SMARCD1: variants seen among roughly 807,000 people sequenced by gnomAD.
The protein encoded by SMARCD1 is SWI/SNF related BAF chromatin remodeling complex subunit D1, also known as SWI/SNF-related matrix-associated actin-dependent regulator of chromatin subfamily D member 1.
Under a neutral mutation model 70.8 loss-of-function variants are expected in SMARCD1, and 16 were observed. The ratio of observed to expected loss-of-function variants is 0.23; its 90% confidence interval spans 0.15 to 0.34. SMARCD1 has a LOEUF of 0.34. Among genes scored for constraint, SMARCD1 ranks in the 10% least tolerant of loss-of-function variants. The pLI is 1.00. For synonymous variants in SMARCD1, 249 were observed against 246.0 expected (o/e 1.01, Z -0.11); for missense variants, 409 against 655.5 (o/e 0.62, Z 4.11).
Position 50,087,352 on chromosome 12 carries a change from G to C in SMARCD1, c.532-11G>C. ...AAGCCCCACGATCAATCCTGTTTCT[G>C]CCTTCCTCAGCAAAAACGGAAGCTG... On this transcript the variant is annotated splice_polypyrimidine_tract_variant and intron_variant, in intron 4 of 12. Transcript: ENST00000394963. The C allele has an allele frequency of 6.2e-7, 1 of 1,613,196 alleles. No homozygotes were observed. The highest frequency in any genetic ancestry group is 8.5e-7 in the Non-Finnish European group (1 of 1,179,440).
Position 50,100,161 on chromosome 12 carries a change from G to A in SMARCD1, c.*1161G>A, listed in dbSNP as rs1950927313. On this transcript the variant is annotated 3_prime_UTR_variant, in exon 13 of 13. Coordinates refer to ENST00000394963, the MANE Select transcript of SMARCD1 (RefSeq NM_003076.5). Reference sequence around the variant, plus strand: ...CTGAGATGGTTTTTGCATCTTTCCAGGAGAGCCTCACATTCTTCTTCCAGG... The same window carrying A: ...CTGAGATGGTTTTTGCATCTTTCCAAGAGAGCCTCACATTCTTCTTCCAGG... 1 of 152,636 alleles carries A rather than the reference G, an allele frequency of 6.6e-6. No individual in the cohort carries two copies. The highest frequency in any genetic ancestry group is 2.4e-5 in the African/African-American group (1 of 41,408). 9.5% of individuals were successfully genotyped at this position (152,636 alleles called of 1,614,324 possible).
chr12:50,090,024 C>G (rs1241406535), intron 7 of SMARCD1, 39 bp downstream of exon 7: 1 of 1,513,734 alleles, frequency 6.6e-7, no homozygotes, highest in Non-Finnish European at 9.2e-7. Context: ...GCTTTCACAG[C>G]CACATACCGT....
chr12:50,091,821 C>T (rs1404727959), intron 9 of SMARCD1, among the ~76,000 whole-genome samples: 2 of 151,768 alleles, frequency 1.3e-5, no homozygotes, highest in Non-Finnish European at 2.9e-5. Flanking sequence ...TCAGGTGATC[C>T]GCCCACCTGG....
chr12:50,098,926 C>T (rs748057542), intron 12 of SMARCD1, 21 bp from the exon 13 acceptor site: 9 of 1,613,448 alleles, frequency 5.6e-6, no homozygotes, highest in East Asian at 4.5e-5. Context: ...TCTTCCACTC[C>T]CTTCACTATT....
rs1950922858 is a variant in SMARCD1, at chr12:50,099,736, G to A, written c.*736G>A. ...CCCTAATCCCGGGCATTTGGGTGGGGGAATCTTGCCTTTCCCTTTCAGAGC... is the reference window on the plus strand; with the variant it reads ...CCCTAATCCCGGGCATTTGGGTGGGAGAATCTTGCCTTTCCCTTTCAGAGC... On this transcript the variant is annotated 3_prime_UTR_variant, in exon 13 of 13. Transcript: ENST00000394963. 1 of 165,194 alleles carries A rather than the reference G, an allele frequency of 6.1e-6. No individual in the cohort carries two copies. The highest frequency in any genetic ancestry group is 1.3e-5 in the Non-Finnish European group (1 of 76,678). The allele number at this position is 165,194 out of a possible 1,614,324, so 10.2% of individuals were successfully genotyped here. A position where few individuals can be genotyped will look rare whatever the true frequency, so the allele number is the denominator to read the frequency against.
chr12:50,096,109 A>T (rs551882150), intron 10 of SMARCD1, among the ~76,000 whole-genome samples: 106 of 152,322 alleles, frequency 7.0e-4, no homozygotes, highest in African/African-American at 1.9e-3. Flanking sequence ...CTAAATTTAC[A>T]GTCCCGACAG....
At chr12:50,087,003 C>T in intron 4 of SMARCD1, 125 bp downstream of exon 4, 2 of 983,634 alleles carry the variant, frequency 2.0e-6, no homozygotes, top group Non-Finnish European at 3.0e-6. Flanking sequence ...TCTCTCCCTT[C>T]CGCCTACAAA....
rs1355509573 is a variant in SMARCD1 at position 50,099,250 on chromosome 12, T to C, written c.*250T>C. On this transcript the variant is annotated 3_prime_UTR_variant, in exon 13 of 13. Transcript: ENST00000394963. ...TGCCTGTACCCTCCCCTGGTCTACA[T>C]AGGACCTCTAGATAGTGTTAGAGAG... 8.3e-6 allele frequency: 5 copies of C among 605,746 alleles called. No individual in the cohort carries two copies. Among genetic ancestry groups the C allele is most frequent in the African/African-American group, 1.9e-5 (1 of 53,894 alleles). The allele number at this position is 605,746 out of a possible 1,614,324, so 37.5% of individuals were successfully genotyped here.
Position 50,087,467 on chromosome 12 carries a change from A to T in SMARCD1, c.636A>T (p.Glu212Asp). ...GTVASWELRV[E>D]GRLLEDSALS... ...TGGCTTCCTGGGAGCTTCGGGTAGA[A>T]GGACGGCTCCTGGAGGATGTGAGTT... Residue 212 changes from glutamate to aspartate, a missense_variant, in exon 5 of 13, where the codon GAA (glutamate) becomes GAT (aspartate). Physicochemically the swap from Glu to Asp is conservative, Grantham distance 45. Coordinates refer to ENST00000394963, the MANE Select transcript of SMARCD1 (RefSeq NM_003076.5). 1 of 1,613,964 alleles carries T rather than the reference A, an allele frequency of 6.2e-7. No homozygotes were observed. The highest frequency in any genetic ancestry group is 8.5e-7 in the Non-Finnish European group (1 of 1,179,916).
At chr12:50,097,033 T>C in intron 11 of SMARCD1, 61 bp downstream of exon 11, 1 of 1,478,376 alleles carries the variant, frequency 6.8e-7, no homozygotes, top group Non-Finnish European at 9.1e-7. Context: ...GCTGCTTTAT[T>C]CATGTAGCAG....
chr12:50,094,527 G>C lies in SMARCD1; in HGVS notation c.1224G>C (p.Leu408=). ...TGAAGACCCAGATGAATTCTTTTCT[G>C]CTGTCCACTGCCAGCCAACAGGAGA... ...DTLKTQMNSF[L]LSTASQQEIA... The change falls in exon 10 of 13, where the codon CTG becomes CTC. Residue 408 remains leucine (L), a synonymous_variant. Coordinates refer to ENST00000394963, the MANE Select transcript of SMARCD1 (RefSeq NM_003076.5). 1 of 1,614,070 alleles carries C rather than the reference G, an allele frequency of 6.2e-7. No individual in the cohort carries two copies. The highest frequency in any genetic ancestry group is 2.2e-5 in the East Asian group (1 of 44,876).
At chr12:50,091,071 G>T (rs143906300) in intron 9 of SMARCD1, among the ~76,000 whole-genome samples, 1,903 of 151,622 alleles carry the variant, frequency 0.013, 37 homozygotes, top group African/African-American at 0.044. Context: ...TCTGCCCGCC[G>T]AGCCTCGTGA....
At chr12:50,087,513 A>G in intron 5 of SMARCD1, 28 bp downstream of exon 5, 7 of 1,611,310 alleles carry the variant, frequency 4.3e-6, no homozygotes, top group Non-Finnish European at 5.9e-6. Context: ...AATGGTTGGC[A>G]TCTAGGGTGG....
rs1950917221 is a variant in SMARCD1 at position 50,099,065 on chromosome 12, C to T, written c.*65C>T. 2.0e-6 allele frequency: 3 copies of T among 1,488,536 alleles called. No individual in the cohort carries two copies. Among genetic ancestry groups the T allele is most frequent in the African/African-American group, 2.8e-5 (2 of 72,226 alleles). 92.2% of individuals were successfully genotyped at this position (1,488,536 alleles called of 1,614,324 possible). A position where few individuals can be genotyped will look rare whatever the true frequency, so the allele number is the denominator to read the frequency against. On this transcript the variant is annotated 3_prime_UTR_variant, in exon 13 of 13. Transcript: ENST00000394963. ...GATTTGGGCCCTGTGCTGCCTGCCT[C>T]ATAGTATCTGCCTTGGTCTTGCTTG...
chr12:50,086,118 G>A lies in SMARCD1; in HGVS notation c.178-43G>A, dbSNP rs868635332. The A allele has an allele frequency of 3.6e-6, 5 of 1,396,678 alleles. No homozygotes were observed. In the Middle Eastern group the frequency reaches 9.5e-4, roughly 265 times the overall value. The allele number at this position is 1,396,678 out of a possible 1,614,324, so 86.5% of individuals were successfully genotyped here. On this transcript the variant is annotated intron_variant, in intron 1 of 12. Transcript: ENST00000394963. ...TGCTTTTCTTTCTTGATGGGGTTTA[G>A]CAGGTGAAACCATGACATCTCTGGG...
At chr12:50,096,097 C>T (rs1483547380) in intron 10 of SMARCD1, among the ~76,000 whole-genome samples, 1 of 152,022 alleles carries the variant, frequency 6.6e-6, no homozygotes, top group East Asian at 1.9e-4. Context: ...CGTGTTGAGG[C>T]CCTAAATTTA....
At chr12:50,087,239 A>C (rs1406468018) in intron 4 of SMARCD1, 124 bp from the exon 5 acceptor site, 137 of 1,178,714 alleles carry the variant, frequency 1.2e-4, no homozygotes, top group Non-Finnish European at 2.6e-5. Context: ...TCATCCACCC[A>C]CCCAAGGGAC....
Position 50,088,653 on chromosome 12 carries a change from T to A in SMARCD1, c.771+16T>A. 7.4e-7 allele frequency: 1 copy of A among 1,354,148 alleles called. No homozygotes were observed. Among genetic ancestry groups the A allele is most frequent in the Non-Finnish European group, 1.0e-6 (1 of 952,494 alleles). 83.9% of individuals were successfully genotyped at this position (1,354,148 alleles called of 1,614,324 possible). A position where few individuals can be genotyped will look rare whatever the true frequency, so the allele number is the denominator to read the frequency against. On this transcript the variant is annotated intron_variant, in intron 6 of 12. Coordinates refer to ENST00000394963, the MANE Select transcript of SMARCD1 (RefSeq NM_003076.5). ...TCTGGTAGAAGTGAGTAGCTCTGCC[T>A]TCTAGGCTTTGACTCTGATTGGAGG...
chr12:50,089,064 C>G (rs184030425), intron 6 of SMARCD1: 1 of 153,018 alleles, frequency 6.5e-6, no homozygotes, highest in Non-Finnish European at 1.5e-5. Flanking sequence ...GGGACTTCCT[C>G]TTGGTCTCTG....
Sources: allele counts gnomAD v4.1 joint callset (sites outside exome capture counted in the v4.1 genomes callset), GRCh38; gene constraint gnomAD v4.1.1; transcripts MANE v1.5; gene names NCBI Gene and HGNC (gene_info 2026-07-23, HGNC 2026-07-21).